AGO2: variants seen among roughly 807,000 people sequenced by gnomAD.
AGO2 encodes argonaute RISC catalytic component 2.
In AGO2, 5 loss-of-function variants were observed where a neutral mutation model predicts 102.3. The observed-to-expected ratio is 0.05, with a 90% CI of 0.03 to 0.10. The LOEUF (loss-of-function observed/expected upper bound fraction) is 0.10, where lower values mean the gene tolerates loss of function less well. Among genes scored for constraint, AGO2 ranks in the 10% least tolerant of loss-of-function variants. The probability of loss-of-function intolerance (pLI) is 1.00; values close to 1 mark genes in which losing one functional copy is unlikely to be tolerated. For synonymous variants in AGO2, 449 were observed against 473.1 expected, an observed-to-expected ratio of 0.95 and a Z score of 0.66; for missense variants, 541 against 1,183.7, an observed-to-expected ratio of 0.46 and a Z score of 7.97.
In AGO2 at chr8:140,589,902, C is replaced by T. The variant is rs574071705; in HGVS notation, c.23-4591G>A. On this transcript the variant is annotated intron_variant, in intron 1 of 18. Transcript: ENST00000220592. The surrounding 1 kb of genome is among the most constrained non-coding windows in gnomAD (Gnocchi z 4.2). ...TGCTAAAATCAGGACACGAGGGTGA[C>T]AACTCACCTGTTGTCTACACAAGCA... 6.6e-6 allele frequency among the ~76,000 whole-genome samples: 1 copy of T among 152,198 alleles called. No individual in the cohort carries two copies. The highest frequency in any genetic ancestry group is 1.5e-5 in the Non-Finnish European group (1 of 68,044).
At position 140,557,319 on chromosome 8, in the gene AGO2, A is replaced by C; in HGVS notation, c.879-83T>G. The C allele has an allele frequency of 1.3e-6, 2 of 1,505,244 alleles. No individual in the cohort carries two copies. Among genetic ancestry groups the C allele is most frequent in the Non-Finnish European group, 1.8e-6 (2 of 1,122,490 alleles). 93.2% of individuals were successfully genotyped at this position (1,505,244 alleles called of 1,614,324 possible). A position where few individuals can be genotyped will look rare whatever the true frequency, so the allele number is the denominator to read the frequency against. ...TGCTTTTCATTTGCGTTTGCTTTTT[A>C]GGGTGACGTGTGAGGAGCAAACATT... On this transcript the variant is annotated intron_variant, in intron 7 of 18. Transcript: ENST00000220592. The surrounding 1 kb of genome is among the most constrained non-coding windows in gnomAD (Gnocchi z 5.9).
At chr8:140,545,660 G>A (rs1376403751) in intron 13 of AGO2, among the ~76,000 whole-genome samples, 2 of 152,126 alleles carry the variant, frequency 1.3e-5, no homozygotes, top group East Asian at 1.9e-4. Flanking sequence ...ATGATGACGG[G>A]GTCTCTCCTG....
intron 1 of AGO2, 107 bp downstream of exon 1, chr8:140,635,378 A>C (rs2152113305): frequency 1.2e-4 from 67 of 571,610 alleles, no homozygotes; most frequent in Non-Finnish European, 1.4e-4. Context: ...CGCCGCCCCG[A>C]CCCCGCGGCC....
At chr8:140,606,049 G>A (rs1211650537) in intron 1 of AGO2, among the ~76,000 whole-genome samples, 4 of 152,180 alleles carry the variant, frequency 2.6e-5, no homozygotes, top group Non-Finnish European at 5.9e-5. Context: ...TTGCTTTTTC[G>A]TAATTATAAA....
intron 3 of AGO2, among the ~76,000 whole-genome samples, chr8:140,569,136 G>C (rs986860564): frequency 3.9e-5 from 6 of 152,234 alleles, no homozygotes; most frequent in Admixed American, 3.9e-4. Flanking sequence ...GCAACAGCCC[G>C]GCACTCCTGT....
intron 1 of AGO2, among the ~76,000 whole-genome samples, chr8:140,595,262 A>C (rs1414231890): frequency 6.6e-6 from 1 of 152,168 alleles, no homozygotes; most frequent in Non-Finnish European, 1.5e-5. Context: ...ATGTACTTGT[A>C]AGTGGGAAAA....
rs2072549841 is a variant in AGO2 at position 140,529,184 on chromosome 8, C to T, written c.*2860G>A. On this transcript the variant is annotated 3_prime_UTR_variant, in exon 19 of 19. Coordinates refer to ENST00000220592, the MANE Select transcript of AGO2 (RefSeq NM_012154.5). Reference sequence around the variant, plus strand: ...GGGCACCCCTCAAATCTTGACAGGCCCAGGGGGGCAGCAGTGGACAGGGAA... The same window carrying T: ...GGGCACCCCTCAAATCTTGACAGGCTCAGGGGGGCAGCAGTGGACAGGGAA... The T allele has an allele frequency of 6.6e-6, 1 of 152,138 alleles. No homozygotes were observed. Among genetic ancestry groups the T allele is most frequent in the South Asian group, 2.1e-4 (1 of 4,834 alleles). The allele number at this position is 152,138 out of a possible 1,614,324, so 9.4% of individuals were successfully genotyped here.
intron 1 of AGO2, among the ~76,000 whole-genome samples, chr8:140,597,587 T>C (rs941018847): frequency 6.8e-6 from 1 of 147,264 alleles, no homozygotes; most frequent in Non-Finnish European, 1.5e-5. Context: ...TAAATGAGCA[T>C]TCAGAAATCT....
intron 2 of AGO2, among the ~76,000 whole-genome samples, chr8:140,577,933 G>A (rs560147130): frequency 2.6e-5 from 4 of 152,362 alleles, no homozygotes; most frequent in South Asian, 2.1e-4. Flanking sequence ...CACGGCGTGC[G>A]GCTTGGGCTG....
At chr8:140,580,684 G>A (rs1234904703) in intron 2 of AGO2, among the ~76,000 whole-genome samples, 2 of 152,362 alleles carry the variant, frequency 1.3e-5, no homozygotes, top group East Asian at 3.9e-4. Context: ...AGGAAGGTGG[G>A]TCATGGGAGG....
At chr8:140,596,823 G>C (rs1230708009) in intron 1 of AGO2, among the ~76,000 whole-genome samples, 2 of 152,162 alleles carry the variant, frequency 1.3e-5, no homozygotes, top group Non-Finnish European at 2.9e-5. Flanking sequence ...TGGCCGGGGT[G>C]GGGGACGGGC....
At chr8:140,632,964 G>A (rs1488777234) in intron 1 of AGO2, among the ~76,000 whole-genome samples, 1 of 151,044 alleles carries the variant, frequency 6.6e-6, no homozygotes, top group East Asian at 1.9e-4. Flanking sequence ...CCAGGCTGGA[G>A]TGCAGTGGCG....
chr8:140,548,745 C>T (rs2072945260), intron 12 of AGO2, among the ~76,000 whole-genome samples: 1 of 152,228 alleles, frequency 6.6e-6, no homozygotes, highest in Admixed American at 6.5e-5. Context: ...AGAGTGGTTA[C>T]ACATAGGCTG....
At chr8:140,546,993 T>C (rs1192255759) in intron 13 of AGO2, among the ~76,000 whole-genome samples, 1 of 152,212 alleles carries the variant, frequency 6.6e-6, no homozygotes. Flanking sequence ...GGCCAGCGCT[T>C]GGCCACATAT....
At chr8:140,532,302 G>A in intron 18 of AGO2, 114 bp downstream of exon 18, 1 of 1,424,176 alleles carries the variant, frequency 7.0e-7, no homozygotes, top group African/African-American at 1.4e-5. Flanking sequence ...AGGCCTTCTG[G>A]GGTGCCGGCT....
In AGO2 at chr8:140,559,339, C is replaced by T. The variant is rs111570919; in HGVS notation, c.790+56G>A. 6.3e-5 allele frequency: 101 copies of T among 1,594,966 alleles called. 1 individual carries two copies. The African/African-American group carries it at 8.9e-4, about 14-fold the overall frequency. On this transcript the variant is annotated intron_variant, in intron 6 of 18. Coordinates refer to ENST00000220592, the MANE Select transcript of AGO2 (RefSeq NM_012154.5). ...GAACTGCAAAATGCGGTCCCGGAGG[C>T]GGACCGGGAAGGGGCCTCCCAGCCC...
At chr8:140,552,834 T>C (rs2073025783) in intron 10 of AGO2, among the ~76,000 whole-genome samples, 1 of 152,156 alleles carries the variant, frequency 6.6e-6, no homozygotes, top group Non-Finnish European at 1.5e-5. Flanking sequence ...CAATGATTCT[T>C]TGTTACGGGG....
intron 1 of AGO2, among the ~76,000 whole-genome samples, chr8:140,612,042 T>C (rs1276653821): frequency 6.6e-6 from 1 of 151,294 alleles, no homozygotes; most frequent in African/African-American, 2.4e-5. Flanking sequence ...GCTAACACGG[T>C]GAAACCCCGT....
chr8:140,639,327 A>G (rs943160780), upstream of AGO2, among the ~76,000 whole-genome samples: 3 of 152,166 alleles, frequency 2.0e-5, no homozygotes, highest in Non-Finnish European at 2.9e-5. Flanking sequence ...TAAAAATACA[A>G]AAAATTAGCT....
Sources: gnomAD v4.1 joint callset for allele counts (sites outside exome capture counted in the v4.1 genomes callset) on GRCh38, gnomAD v4.1.1 for gene constraint, Gnocchi (gnomAD v3.1) non-coding constraint, MANE v1.5 for transcripts, NCBI Gene and HGNC (gene_info 2026-07-23, HGNC 2026-07-21) for gene names.